HDAC9: variants seen among roughly 807,000 people sequenced by gnomAD.
HDAC9 encodes the protein histone deacetylase 9.
A neutral mutation model predicts 139.4 loss-of-function variants in HDAC9; 41 were observed. That is an observed-to-expected ratio of 0.29 (90% CI 0.23 to 0.38). HDAC9 has a LOEUF of 0.38. HDAC9 is among the 10% of genes least tolerant of loss of function. The probability of loss-of-function intolerance (pLI) is 1.00; values close to 1 mark genes in which losing one functional copy is unlikely to be tolerated. For missense variants in HDAC9, 1,147 were observed against 1,297.0 expected, an observed-to-expected ratio of 0.88 and a Z score of 1.78; for synonymous variants, 517 against 476.2, an observed-to-expected ratio of 1.09 and a Z score of -1.12.
intron 1 of HDAC9, among the ~76,000 whole-genome samples, chr7:18,449,153 G>A (rs1013487850): frequency 5.9e-5 from 9 of 152,082 alleles, no homozygotes; most frequent in Admixed American, 6.6e-5. Flanking sequence ...TACACTAAAT[G>A]TGTTTTCCAA....
Position 18,462,741 on chromosome 7 carries a change from A to G in HDAC9, c.-41-33521A>G, listed in dbSNP as rs556044150. On this transcript the variant is annotated intron_variant, in intron 1 of 3. Transcript: ENST00000413509. ...TGATTTTTACTGCTGTATAATATCT[A>G]CTCCATGACTGTGAATATATATGAC... Among the ~76,000 whole-genome samples, 15 of 151,924 alleles carry G rather than the reference A, an allele frequency of 9.9e-5. No individual in the cohort carries two copies. The South Asian group carries it at 2.7e-3, about 27-fold the overall frequency.
At chr7:18,386,112 C>G (rs186724514) in intron 1 of HDAC9, among the ~76,000 whole-genome samples, 4 of 152,296 alleles carry the variant, frequency 2.6e-5, no homozygotes, top group Admixed American at 2.6e-4. Flanking sequence ...CTGGTGAAAG[C>G]CATTCAGGCT....
intron 7 of HDAC9, among the ~76,000 whole-genome samples, chr7:18,634,127 T>C (rs1783160965): frequency 6.6e-6 from 1 of 152,082 alleles, no homozygotes; most frequent in Non-Finnish European, 1.5e-5. Context: ...TGAACTAGTA[T>C]ATGCAATAAT....
intron 12 of HDAC9, among the ~76,000 whole-genome samples, chr7:18,715,529 T>G (rs1784637848): frequency 6.6e-6 from 1 of 152,140 alleles, no homozygotes; most frequent in South Asian, 2.1e-4. Context: ...TAGACGCCAG[T>G]GATGAAAAAT....
rs192549952 is a variant in HDAC9, at chr7:18,774,595, A to G, written c.2214+7440A>G. Among the ~76,000 whole-genome samples the G allele has an allele frequency of 2.1e-3, 323 of 152,202 alleles. 1 individual carries two copies. Among genetic ancestry groups the G allele is most frequent in the African/African-American group, 7.4e-3 (309 of 41,564 alleles). ...TTTAAAACTATGTTTAAAAATCCTA[A>G]TGATCATCTGAGCCTTCAGTGAGTG... On this transcript the variant is annotated intron_variant, in intron 16 of 25. Coordinates refer to ENST00000686413, the MANE Select transcript of HDAC9 (RefSeq NM_178425.4).
At chr7:18,776,454 G>A (rs981283499) in intron 16 of HDAC9, among the ~76,000 whole-genome samples, 5 of 152,050 alleles carry the variant, frequency 3.3e-5, no homozygotes, top group Admixed American at 3.3e-4. Flanking sequence ...TACAGCAAAT[G>A]CTTATTGAAT....
intron 22 of HDAC9, among the ~76,000 whole-genome samples, chr7:18,927,402 T>C (rs1804331697): frequency 1.3e-5 from 2 of 152,118 alleles, no homozygotes; most frequent in South Asian, 4.1e-4. Context: ...GCTACCCGAA[T>C]TTCTCTCTCT....
At chr7:18,106,553 A>C (rs1783219997) in intron 1 of HDAC9, among the ~76,000 whole-genome samples, 1 of 152,052 alleles carries the variant, frequency 6.6e-6, no homozygotes, top group Admixed American at 6.5e-5. Flanking sequence ...CCCAGGTTCA[A>C]GTGATTCTCC....
intron 2 of HDAC9, among the ~76,000 whole-genome samples, chr7:18,170,097 T>C (rs1383829000): frequency 6.6e-6 from 1 of 152,228 alleles, no homozygotes; most frequent in African/African-American, 2.4e-5. Context: ...GTGTTCCTAT[T>C]TCTCCACATC....
chr7:18,328,393 C>T (rs749056738), intron 1 of HDAC9, among the ~76,000 whole-genome samples: 38 of 151,858 alleles, frequency 2.5e-4, no homozygotes, highest in Admixed American at 1.3e-4. Context: ...GACAGGCTTG[C>T]ATTAACCAAA....
chr7:18,362,535 C>G (rs1459879820), intron 1 of HDAC9, among the ~76,000 whole-genome samples: 1 of 152,024 alleles, frequency 6.6e-6, no homozygotes, highest in Non-Finnish European at 1.5e-5. Flanking sequence ...TTCTAAATAG[C>G]TTGGAATTAT....
intron 12 of HDAC9, among the ~76,000 whole-genome samples, chr7:18,673,953 C>T (rs565436133): frequency 9.2e-5 from 14 of 151,954 alleles, no homozygotes; most frequent in Non-Finnish European, 1.8e-4. Context: ...ATTCACTTAC[C>T]GCTCCATTCT....
intron 2 of HDAC9, among the ~76,000 whole-genome samples, chr7:18,500,283 A>G (rs560534396): frequency 2.0e-5 from 3 of 152,290 alleles, no homozygotes; most frequent in South Asian, 4.1e-4. Context: ...GAGATGAGCA[A>G]TTTTAAAATG....
At chr7:18,954,277 CTA>C (rs566962184) in intron 24 of HDAC9, 47 bp downstream of exon 24, 9 of 1,139,212 alleles carry the variant, frequency 7.9e-6, no homozygotes, top group Non-Finnish European at 1.1e-5. Context: ...GTAAAACTAA[CTA>C]AAATTATATT....
intron 1 of HDAC9, among the ~76,000 whole-genome samples, chr7:18,479,707 G>A (rs183873447): frequency 3.3e-5 from 5 of 152,078 alleles, no homozygotes; most frequent in Admixed American, 2.0e-4. Flanking sequence ...TGGACAAAAT[G>A]TATCTCCCTA....
chr7:18,532,015 G>A (rs1021469157), intron 2 of HDAC9, among the ~76,000 whole-genome samples: 2 of 152,182 alleles, frequency 1.3e-5, no homozygotes, highest in Non-Finnish European at 2.9e-5. Context: ...TTGGGAGGCC[G>A]AGGCAGGTGG....
At chr7:18,148,354 A>G (rs1481592151) in intron 1 of HDAC9, among the ~76,000 whole-genome samples, 1 of 152,166 alleles carries the variant, frequency 6.6e-6, no homozygotes, top group Non-Finnish European at 1.5e-5. Flanking sequence ...TCTCTCCTGC[A>G]TCTTCAGCAG....
At chr7:18,205,359 G>C (rs374154443) in intron 2 of HDAC9, among the ~76,000 whole-genome samples, 2 of 151,626 alleles carry the variant, frequency 1.3e-5, no homozygotes, top group African/African-American at 4.8e-5. Flanking sequence ...AGTAGGTTCA[G>C]GTCTTCTTTT....
At chr7:18,758,497 T>C (rs1789082566) in intron 14 of HDAC9, among the ~76,000 whole-genome samples, 1 of 152,194 alleles carries the variant, frequency 6.6e-6, no homozygotes, top group Non-Finnish European at 1.5e-5. Context: ...GGAATATCTA[T>C]ATTTAAGCCT....
Sources: gnomAD v4.1 joint callset for allele counts (sites outside exome capture counted in the v4.1 genomes callset) on GRCh38, gnomAD v4.1.1 for gene constraint, MANE v1.5 for transcripts, NCBI Gene and HGNC (gene_info 2026-07-23, HGNC 2026-07-21) for gene names.